SSH2: variants seen among roughly 807,000 people sequenced by gnomAD.
SSH2 encodes protein phosphatase Slingshot homolog 2.
In SSH2, 37 loss-of-function variants were observed where a neutral mutation model predicts 135.2. The ratio of observed to expected loss-of-function variants is 0.27; its 90% CI spans 0.21 to 0.36. The LOEUF is 0.36. Ranked by LOEUF, SSH2 falls within the 10% of genes least tolerant of loss-of-function variation. The pLI is 1.00. For synonymous variants in SSH2, 628 were observed against 646.2 expected, an observed-to-expected ratio of 0.97 and a Z score of 0.43; for missense variants, 1,408 against 1,765.3, an observed-to-expected ratio of 0.80 and a Z score of 3.63.
intron 14 of SSH2, among the ~76,000 whole-genome samples, chr17:29,644,553 A>G (rs1001977449): frequency 3.9e-5 from 6 of 152,202 alleles, no homozygotes; most frequent in Admixed American, 2.6e-4. Flanking sequence ...TCACGCCTGT[A>G]ATCCCAGCAC....
intron 3 of SSH2, chr17:29,716,608 C>T (rs892660161): frequency 4.4e-6 from 3 of 680,872 alleles, no homozygotes; most frequent in Non-Finnish European, 8.2e-6. Flanking sequence ...TATGCATGGC[C>T]AAAGGAACAA....
At chr17:29,698,442 C>T (rs993260174) in intron 4 of SSH2, among the ~76,000 whole-genome samples, 2 of 152,036 alleles carry the variant, frequency 1.3e-5, no homozygotes, top group African/African-American at 2.4e-5. Flanking sequence ...GAAAAGCTAC[C>T]GGAGTTACAA....
chr17:29,688,305 G>A lies in SSH2; in HGVS notation c.358-3621C>T, dbSNP rs147932744. 7.2e-5 allele frequency among the ~76,000 whole-genome samples: 11 copies of A among 152,056 alleles called. No homozygotes were observed. The East Asian group carries it at 2.1e-3, about 29-fold the overall frequency. On this transcript the variant is annotated intron_variant, in intron 5 of 15. Transcript: ENST00000540801. ...ATTACAGGTGCGAGCCACTACGCCC[G>A]GCCAGATGTCTCTTTAAAGTTTATT...
intron 2 of SSH2, among the ~76,000 whole-genome samples, chr17:29,799,916 TA>T (rs1176138393): frequency 6.6e-6 from 1 of 152,200 alleles, no homozygotes; most frequent in African/African-American, 2.4e-5. Context: ...GCATCTAAAC[TA>T]AAAATCTTAC....
intron 2 of SSH2, among the ~76,000 whole-genome samples, chr17:29,805,141 A>G (rs1387000327): frequency 1.3e-5 from 2 of 149,354 alleles, no homozygotes; most frequent in African/African-American, 4.9e-5. Flanking sequence ...CCTATAAATT[A>G]TTATTATTAA....
At chr17:29,889,333 C>T (rs2066302813) in intron 1 of SSH2, among the ~76,000 whole-genome samples, 1 of 152,090 alleles carries the variant, frequency 6.6e-6, no homozygotes, top group South Asian at 2.1e-4. Flanking sequence ...GTAATCCTAG[C>T]TACTTGGGAG....
chr17:29,632,024 A>G lies in SSH2; in HGVS notation c.3170T>C (p.Ile1057Thr), dbSNP rs2035702130. The G allele has an allele frequency of 3.1e-6, 5 of 1,613,940 alleles. No individual in the cohort carries two copies. The highest frequency in any genetic ancestry group is 4.2e-6 in the Non-Finnish European group (5 of 1,180,024). The change falls in exon 16 of 16, where the codon ATA becomes ACA. Residue 1057 changes from isoleucine to threonine, a missense_variant. Transcript: ENST00000540801. ...SPNHTGPGSE[I>T]ATSEKSGEQG... is the part of the protein sequence containing the mutation. ...CTCTCCGCTCTTCTCACTGGTGGCTATTTCACTCCCTGGCCCAGTGTGATT... is the reference window on the plus strand; with the variant it reads ...CTCTCCGCTCTTCTCACTGGTGGCTGTTTCACTCCCTGGCCCAGTGTGATT...
At chr17:29,770,476 C>CTT (rs766027039) in intron 3 of SSH2, among the ~76,000 whole-genome samples, 1 of 140,204 alleles carries the variant, frequency 7.1e-6, no homozygotes. Context: ...AATTAAGTCA[C>CTT]TTTTTTTTTT....
chr17:29,673,569 C>T (rs973746741), intron 8 of SSH2, among the ~76,000 whole-genome samples: 14 of 104,888 alleles, frequency 1.3e-4, no homozygotes, highest in Non-Finnish European at 2.4e-4. Flanking sequence ...GACACAATCT[C>T]AAAAAAAAAA....
At chr17:29,787,352 C>G (rs1194962584) in intron 3 of SSH2, 1 of 152,074 alleles carries the variant, frequency 6.6e-6, no homozygotes, top group Non-Finnish European at 1.5e-5. Context: ...CATATAATAC[C>G]TCATTTTGTT....
intron 1 of SSH2, among the ~76,000 whole-genome samples, chr17:29,913,343 A>ATTAT (rs2066804382): frequency 9.2e-4 from 40 of 43,442 alleles, no homozygotes; most frequent in African/African-American, 2.5e-3. Flanking sequence ...AAAAAAAAAA[A>ATTAT]AAAAATATAT....
At chr17:29,764,371 C>T (rs2041397092) in intron 3 of SSH2, among the ~76,000 whole-genome samples, 1 of 152,212 alleles carries the variant, frequency 6.6e-6, no homozygotes, top group African/African-American at 2.4e-5. Flanking sequence ...TTTCTTTGCA[C>T]AGTGTGCAGA....
At chr17:29,853,336 C>T (rs1295505222) in intron 1 of SSH2, among the ~76,000 whole-genome samples, 1 of 151,672 alleles carries the variant, frequency 6.6e-6, no homozygotes, top group Admixed American at 6.6e-5. Context: ...CTGCCCACCT[C>T]GGCCTCCCAA....
chr17:29,654,135 T>A (rs2151007168), intron 12 of SSH2, among the ~76,000 whole-genome samples: 1 of 152,324 alleles, frequency 6.6e-6, no homozygotes, highest in East Asian at 1.9e-4. Flanking sequence ...TTATCTGCCA[T>A]CAGCCAAGTC....
chr17:29,876,246 T>C (rs929288481), intron 1 of SSH2, among the ~76,000 whole-genome samples: 2 of 147,388 alleles, frequency 1.4e-5, no homozygotes, highest in African/African-American at 4.9e-5. Flanking sequence ...CAAATTATAC[T>C]ACAAAGGAAT....
At position 29,625,944 on chromosome 17, in the gene SSH2, C is replaced by G. The variant is rs2035486262; in HGVS notation, c.*4897G>C. 1 of 152,608 alleles carries G rather than the reference C, an allele frequency of 6.6e-6. No individual in the cohort carries two copies. The highest frequency in any genetic ancestry group is 1.5e-5 in the Non-Finnish European group (1 of 68,032). The allele number at this position is 152,608 out of a possible 1,614,324, so 9.5% of individuals were successfully genotyped here. On this transcript the variant is annotated 3_prime_UTR_variant, in exon 16 of 16. Transcript: ENST00000540801. ...GCATCTGATGAAGTACACGTTTCAT[C>G]TTCAAAATAAAAATTTATTCAATCT...
chr17:29,919,287 G>A (rs1381527966), intron 1 of SSH2, among the ~76,000 whole-genome samples: 1 of 152,168 alleles, frequency 6.6e-6, no homozygotes, highest in African/African-American at 2.4e-5. Context: ...AACTAAGCTG[G>A]AACAGAGTAT....
chr17:29,790,029 A>G (rs937039788), intron 3 of SSH2, among the ~76,000 whole-genome samples: 2 of 152,162 alleles, frequency 1.3e-5, no homozygotes, highest in African/African-American at 4.8e-5. Flanking sequence ...AGATGATATA[A>G]AACTTTGGAC....
At chr17:29,886,364 T>C (rs2066237353) in intron 1 of SSH2, among the ~76,000 whole-genome samples, 1 of 152,136 alleles carries the variant, frequency 6.6e-6, no homozygotes, top group Non-Finnish European at 1.5e-5. Flanking sequence ...TAGAGTTCTG[T>C]GGAACTTTGA....
Sources: gnomAD v4.1 joint callset for allele counts (sites outside exome capture counted in the v4.1 genomes callset) on GRCh38, gnomAD v4.1.1 for gene constraint, MANE v1.5 for transcripts, NCBI Gene and HGNC (gene_info 2026-07-23, HGNC 2026-07-21) for gene names.